Variants in ANK2 observed in about 807,000 individuals in gnomAD.
ANK2 encodes ankyrin 2, also known as ankyrin-2.
A neutral mutation model predicts 360.5 loss-of-function variants in ANK2; 83 were observed. The ratio of observed to expected loss-of-function variants is 0.23; its 90% CI spans 0.19 to 0.28. ANK2 has a LOEUF of 0.28. ANK2 is among the 10% of genes least tolerant of loss of function. ANK2 has a pLI of 1.00. For synonymous variants in ANK2, 1,740 were observed against 1,759.5 expected (o/e 0.99, Z 0.28); for missense variants, 4,201 against 4,795.7 (o/e 0.88, Z 3.66).
chr4:113,004,159 C>A (rs2051870863), intron 2 of ANK2, among the ~76,000 whole-genome samples: 1 of 152,134 alleles, frequency 6.6e-6, no homozygotes, highest in African/African-American at 2.4e-5. Flanking sequence ...GGCTACACTA[C>A]ATTTATATTG....
chr4:112,728,437 A>T, the ANK2 span, among the ~76,000 whole-genome samples: 8 of 152,106 alleles, frequency 5.3e-5, no homozygotes, highest in African/African-American at 1.9e-4. Flanking sequence ...AGACACACAC[A>T]ATCTACTAAG....
chr4:112,709,079 G>T, the ANK2 span, among the ~76,000 whole-genome samples: 1 of 152,182 alleles, frequency 6.6e-6, no homozygotes, highest in Non-Finnish European at 1.5e-5. Context: ...TCTGCTAAGG[G>T]AGAGATAACT....
chr4:113,022,055 A>T (rs1159990751), intron 2 of ANK2, among the ~76,000 whole-genome samples: 3 of 152,030 alleles, frequency 2.0e-5, no homozygotes, highest in Admixed American at 2.0e-4. Context: ...AAATTTGGGG[A>T]TTCTTTGGTG....
chr4:113,326,784 T>A (rs938707119), intron 26 of ANK2, among the ~76,000 whole-genome samples: 1 of 152,136 alleles, frequency 6.6e-6, no homozygotes. Flanking sequence ...GGAGGATTGC[T>A]TGAGCCTAGG....
chr4:113,378,993 G>A (rs376128732), intron 45 of ANK2, among the ~76,000 whole-genome samples: 1 of 152,076 alleles, frequency 6.6e-6, no homozygotes, highest in Non-Finnish European at 1.5e-5. Context: ...GAGAAAGATT[G>A]TCATTCAGAG....
chr4:112,979,774 T>A (rs2042529545), intron 2 of ANK2: 1 of 152,276 alleles, frequency 6.6e-6, no homozygotes, highest in Admixed American at 6.5e-5. Flanking sequence ...CAGCTGATAG[T>A]CCTGACATCT....
rs1057522136 is a variant in ANK2, at chr4:113,369,593, G to A, written c.11398G>A (p.Glu3800Lys). 2.5e-6 allele frequency: 4 copies of A among 1,614,096 alleles called. No individual in the cohort carries two copies. The highest frequency in any genetic ancestry group is 3.4e-6 in the Non-Finnish European group (4 of 1,179,994). ...VPSSPSKTPE[E>K]VSTPAEEEKL... ...CAGCTCTCCCAGCAAGACACCTGAG[G>A]AAGTTAGCACCCCTGCAGAGGAGGA... The change falls in exon 43 of 46, where the codon GAA (glutamate) becomes AAA (lysine). Residue 3800 changes from glutamate to lysine, a missense_variant. This residue lies in a region of ANK2 where 2,642 missense variants were observed against 2,714.5 expected (regional missense o/e 0.97). Coordinates refer to ENST00000357077, the MANE Select transcript of ANK2 (RefSeq NM_001148.6).
At chr4:113,213,112 G>A (rs898836937) in intron 4 of ANK2, among the ~76,000 whole-genome samples, 2 of 152,116 alleles carry the variant, frequency 1.3e-5, no homozygotes, top group Non-Finnish European at 2.9e-5. Context: ...TAGTCTGGAT[G>A]GTGAAAATAG....
At chr4:113,205,690 T>C (rs989824507) in intron 4 of ANK2, among the ~76,000 whole-genome samples, 8 of 152,226 alleles carry the variant, frequency 5.3e-5, no homozygotes, top group Admixed American at 1.3e-4. Flanking sequence ...TGGGGGTGCA[T>C]GCACCCACTA....
chr4:112,878,452 G>T (rs551466687), intron 1 of ANK2, among the ~76,000 whole-genome samples: 1 of 151,666 alleles, frequency 6.6e-6, no homozygotes, highest in Non-Finnish European at 1.5e-5. Context: ...TCAGCCTCCC[G>T]AGTAGCTGGG....
chr4:112,822,295 G>GT (rs980776077), intron 1 of ANK2, among the ~76,000 whole-genome samples: 7 of 149,000 alleles, frequency 4.7e-5, no homozygotes, highest in Non-Finnish European at 1.0e-4. Context: ...GCATGTGCCT[G>GT]TAGTCCCAGT....
intron 28 of ANK2, 33 bp downstream of exon 28, chr4:113,332,103 T>G: frequency 6.5e-7 from 1 of 1,538,636 alleles, no homozygotes; most frequent in Non-Finnish European, 9.0e-7. Flanking sequence ...TGATGGCTGC[T>G]GGCCCCCCAT....
chr4:113,060,603 A>G (rs1452205717), intron 1 of ANK2, among the ~76,000 whole-genome samples: 10 of 145,738 alleles, frequency 6.9e-5, no homozygotes, highest in Non-Finnish European at 7.5e-5. Flanking sequence ...AAGAAATAGG[A>G]GTTTTGTTTA....
intron 10 of ANK2, among the ~76,000 whole-genome samples, 159 bp from the exon 11 acceptor site, chr4:113,255,576 G>A (rs1228880301): frequency 6.6e-6 from 1 of 151,888 alleles, no homozygotes. Context: ...GTTCATCTCT[G>A]CGAAATATAG....
the ANK2 span, among the ~76,000 whole-genome samples, chr4:112,725,612 A>G: frequency 1.3e-5 from 2 of 152,024 alleles, no homozygotes; most frequent in African/African-American, 4.8e-5. Context: ...CTCCCGCCTC[A>G]GCCTCCCAAA....
At chr4:112,942,091 C>T (rs1356617159) in intron 2 of ANK2, among the ~76,000 whole-genome samples, 1 of 151,954 alleles carries the variant, frequency 6.6e-6, no homozygotes, top group Non-Finnish European at 1.5e-5. Flanking sequence ...ATCAACATTA[C>T]TTTTGTAACT....
At chr4:113,129,873 G>A (rs1487931484) in intron 1 of ANK2, among the ~76,000 whole-genome samples, 2 of 152,096 alleles carry the variant, frequency 1.3e-5, no homozygotes, top group African/African-American at 4.8e-5. Flanking sequence ...TTAAAAATTT[G>A]TTGGTGATAT....
At chr4:113,175,410 T>C (rs143166121) in intron 2 of ANK2, among the ~76,000 whole-genome samples, 190 of 152,322 alleles carry the variant, frequency 1.2e-3, no homozygotes, top group African/African-American at 3.6e-3. Context: ...TTGTACTCCC[T>C]AATTCCTACC....
intron 2 of ANK2, among the ~76,000 whole-genome samples, chr4:112,941,699 G>C (rs1037980090): frequency 9.7e-5 from 14 of 143,892 alleles, no homozygotes; most frequent in African/African-American, 2.0e-4. Context: ...ATATATAAAA[G>C]GATATATAAA....
Sources: gnomAD v4.1 joint callset for allele counts (sites outside exome capture counted in the v4.1 genomes callset) on GRCh38, gnomAD v4.1.1 for gene constraint, gnomAD v4.1.1 regional missense constraint, MANE v1.5 for transcripts, NCBI Gene and HGNC (gene_info 2026-07-23, HGNC 2026-07-21) for gene names.